CARD19: variants seen among roughly 807,000 people sequenced by gnomAD.
The protein encoded by CARD19 is caspase recruitment domain-containing protein 19.
Under a neutral mutation model 24.1 loss-of-function variants are expected in CARD19, and 25 were observed. The ratio of observed to expected loss-of-function variants is 1.04; its 90% CI spans 0.76 to 1.45. The LOEUF (loss-of-function observed/expected upper bound fraction) is 1.45, where lower values mean the gene tolerates loss of function less well. Ranked by LOEUF, CARD19 falls within the 40% of genes most tolerant of loss-of-function variation. The probability of loss-of-function intolerance (pLI) is 0.00; values close to 1 mark genes in which losing one functional copy is unlikely to be tolerated. For missense variants in CARD19, 241 were observed against 247.4 expected, an observed-to-expected ratio of 0.97 and a Z score of 0.17; for synonymous variants, 103 against 104.9, an observed-to-expected ratio of 0.98 and a Z score of 0.11.
chr9:93,112,863 G>T, intron 5 of CARD19, 129 bp from the exon 6 acceptor site: 1 of 617,642 alleles, frequency 1.6e-6, no homozygotes, highest in Non-Finnish European at 2.8e-6. Context: ...AACTCAAGCC[G>T]AGACCATGAC....
In CARD19 at chr9:93,113,169, A is replaced by G. The variant is rs1827578870; in HGVS notation, c.*62A>G. The G allele has an allele frequency of 9.9e-7, 1 of 1,007,670 alleles. No individual in the cohort carries two copies. Among genetic ancestry groups the G allele is most frequent in the Non-Finnish European group, 1.5e-6 (1 of 686,858 alleles). The allele number at this position is 1,007,670 out of a possible 1,614,324, so 62.4% of individuals were successfully genotyped here. A position where few individuals can be genotyped will look rare whatever the true frequency, so the allele number is the denominator to read the frequency against. ...CAAAGAGTCCTCGAGCCGGCCCGCC[A>G]AGGGGACTGCTGCTTCTTTTTCTAA... is the stretch of plus-strand genomic sequence containing the variant. On this transcript the variant is annotated 3_prime_UTR_variant, in exon 6 of 6. Coordinates refer to ENST00000375464, the MANE Select transcript of CARD19 (RefSeq NM_032310.5).
chr9:93,097,503 G>A (rs1826922235), intron 1 of CARD19, among the ~76,000 whole-genome samples: 1 of 152,174 alleles, frequency 6.6e-6, no homozygotes, highest in Admixed American at 6.5e-5. Context: ...ATCAGATGGG[G>A]ACACCTGGAA....
chr9:93,105,406 A>T (rs917342877), intron 1 of CARD19, among the ~76,000 whole-genome samples: 7 of 152,112 alleles, frequency 4.6e-5, no homozygotes, highest in Non-Finnish European at 1.0e-4. Context: ...TCAGCCTCCC[A>T]GGTAGCTGGG....
At chr9:93,098,897 A>ATT (rs1826979651) in intron 1 of CARD19, among the ~76,000 whole-genome samples, 10 of 70,772 alleles carry the variant, frequency 1.4e-4, no homozygotes, top group Admixed American at 3.9e-4. Flanking sequence ...ACATTGCAGA[A>ATT]CTCTTTTTTT....
chr9:93,101,067 C>CATTT (rs36177473), intron 1 of CARD19, among the ~76,000 whole-genome samples: 5 of 151,074 alleles, frequency 3.3e-5, no homozygotes, highest in East Asian at 3.9e-4. Flanking sequence ...TGAGTTCCTG[C>CATTT]ATTTATTTAT....
At chr9:93,110,783 G>A in intron 3 of CARD19, 62 bp downstream of exon 3, 1 of 1,555,552 alleles carries the variant, frequency 6.4e-7, no homozygotes, top group Non-Finnish European at 8.7e-7. Context: ...ACCCCAGCCT[G>A]CCGTTGATGG....
chr9:93,112,084 C>A, intron 4 of CARD19, 134 bp from the exon 5 acceptor site: 5 of 1,303,518 alleles, frequency 3.8e-6, no homozygotes, highest in Middle Eastern at 2.6e-4. Flanking sequence ...GACCCCCCCC[C>A]TAAGGTGCTC....
chr9:93,110,584 C>T lies in CARD19; in HGVS notation c.167C>T (p.Ala56Val). 6.2e-7 allele frequency: 1 copy of T among 1,606,830 alleles called. No individual in the cohort carries two copies. Among genetic ancestry groups the T allele is most frequent in the East Asian group, 2.2e-5 (1 of 44,742 alleles). ...TACCCTCAGTTCCGGAACCCCAAGG[C>T]ATCCTTGCGTGTGCGGCTCTGTGAC... The part of the protein sequence containing the change: ...KEAEKFRNPK[A>V]SLRVRLCDLL... The change falls in exon 3 of 6, where the codon GCA becomes GTA. Residue 56 changes from alanine to valine, a missense_variant. Transcript: ENST00000375464.
At chr9:93,111,742 G>T in intron 3 of CARD19, 137 bp from the exon 4 acceptor site, 1 of 1,486,010 alleles carries the variant, frequency 6.7e-7, no homozygotes, top group Non-Finnish European at 9.0e-7. Flanking sequence ...CCTGAGGAGG[G>T]CTAGCCTCAG....
intron 1 of CARD19, among the ~76,000 whole-genome samples, chr9:93,102,518 A>G (rs552114575): frequency 6.6e-6 from 1 of 152,206 alleles, no homozygotes; most frequent in South Asian, 2.1e-4. Context: ...AATAGGGTTT[A>G]ATTCTAGACT....
chr9:93,099,934 C>T, intron 1 of CARD19, among the ~76,000 whole-genome samples: 1 of 152,216 alleles, frequency 6.6e-6, no homozygotes, highest in East Asian at 1.9e-4. Flanking sequence ...CCCTATTGTT[C>T]TCTGGAGGGC....
chr9:93,106,414 T>TAAAAAAAAAAAAAA (rs56137204), intron 1 of CARD19, among the ~76,000 whole-genome samples: 2 of 102,920 alleles, frequency 1.9e-5, no homozygotes, highest in Non-Finnish European at 4.1e-5. Flanking sequence ...CTGTCTCTAC[T>TAAAAAAAAAAAAAA]AAAAAAAAAA....
intron 3 of CARD19, 148 bp from the exon 4 acceptor site, chr9:93,111,731 C>T: frequency 6.8e-7 from 1 of 1,472,926 alleles, no homozygotes; most frequent in Non-Finnish European, 9.0e-7. Context: ...GTGCATAGTT[C>T]CCTGAGGAGG....
chr9:93,102,580 T>C (rs1827124478), intron 1 of CARD19, among the ~76,000 whole-genome samples: 1 of 152,136 alleles, frequency 6.6e-6, no homozygotes, highest in South Asian at 2.1e-4. Context: ...TAGTACCACA[T>C]TGTTTTCATT....
At chr9:93,106,183 T>G (rs1827247570) in intron 1 of CARD19, among the ~76,000 whole-genome samples, 5 of 152,242 alleles carry the variant, frequency 3.3e-5, no homozygotes, top group Admixed American at 3.3e-4. Flanking sequence ...TCCTTTCATT[T>G]TCAACTTCTT....
rs908586409 is a variant in CARD19, at chr9:93,096,224, G to A, written c.-122G>A. The stretch of plus-strand genomic sequence containing the variant: ...CCGGGGGGCTGGCCTAGCCAAAAGG[G>A]GCGGGCGAGCACGGCCCGCGGGCGG... On this transcript the variant is annotated 5_prime_UTR_variant, in exon 1 of 6. Transcript: ENST00000375464. This position sits in a 1 kb window ranked among gnomAD's most constrained non-coding sequence, Gnocchi z 5.4. 3.7e-6 allele frequency: 4 copies of A among 1,069,622 alleles called. No individual in the cohort carries two copies. The highest frequency in any genetic ancestry group is 4.7e-5 in the South Asian group (1 of 21,260). The allele number at this position is 1,069,622 out of a possible 1,614,324, so 66.3% of individuals were successfully genotyped here.
chr9:93,098,994 T>A (rs4333675), intron 1 of CARD19, among the ~76,000 whole-genome samples: 1 of 150,708 alleles, frequency 6.6e-6, no homozygotes, highest in Non-Finnish European at 1.5e-5. Flanking sequence ...CTCTGCCTCC[T>A]GGGTTCAAGG....
chr9:93,111,521 G>GT, intron 3 of CARD19: 1 of 1,158,210 alleles, frequency 8.6e-7, no homozygotes, highest in Non-Finnish European at 1.1e-6. Context: ...CAGTGCAGAC[G>GT]GTGGGCGGGG....
chr9:93,112,078 C>A, intron 4 of CARD19, 140 bp downstream of exon 4: 4 of 1,330,732 alleles, frequency 3.0e-6, no homozygotes, highest in South Asian at 1.3e-5. Context: ...GTGACAGACC[C>A]CCCCCCTAAG....
Sources: gnomAD v4.1 joint callset for allele counts (sites outside exome capture counted in the v4.1 genomes callset) on GRCh38, gnomAD v4.1.1 for gene constraint, Gnocchi (gnomAD v3.1) non-coding constraint, MANE v1.5 for transcripts, NCBI Gene and HGNC (gene_info 2026-07-23, HGNC 2026-07-21) for gene names.